The following PDCD2 variants were observed in gnomAD, a reference collection of about 807,000 sequenced individuals.
The protein encoded by PDCD2 is uS5 assembly chaperone PDCD2.
In PDCD2, 38 loss-of-function variants were observed where a neutral mutation model predicts 38.1. That is an observed-to-expected ratio of 1.00 (90% CI 0.77 to 1.31). The LOEUF is 1.31. Ranked by LOEUF, PDCD2 falls within the 50% of genes most tolerant of loss-of-function variation. PDCD2 has a pLI of 0.00. For synonymous variants in PDCD2, 205 were observed against 168.9 expected, an observed-to-expected ratio of 1.21 and a Z score of -1.66; for missense variants, 473 against 435.7, an observed-to-expected ratio of 1.09 and a Z score of -0.76.
chr6:170,578,391 T>C (rs1000576659), intron 5 of PDCD2: 6 of 505,046 alleles, frequency 1.2e-5, no homozygotes, highest in South Asian at 8.6e-5. Flanking sequence ...ACAAATCCTT[T>C]TGGGCAGGGA....
Position 170,584,464 on chromosome 6 carries a change from C to T in PDCD2, c.118G>A (p.Ala40Thr). 7.6e-7 allele frequency: 1 copy of T among 1,310,932 alleles called. No individual in the cohort carries two copies. The highest frequency in any genetic ancestry group is 2.3e-5 in the South Asian group (1 of 42,744). The allele number at this position is 1,310,932 out of a possible 1,614,324, so 81.2% of individuals were successfully genotyped here. ...KVGGRPAWLGAAGLPGPQALA... is the reference protein window; with the variant it reads ...KVGGRPAWLGTAGLPGPQALA... The stretch of plus-strand genomic sequence containing the variant: ...GCCTGGGGCCCCGGCAGCCCGGCCG[C>T]GCCCAGCCATGCCGGCCGCCCGCCC... The change falls in exon 1 of 6, where the codon GCG becomes ACG. Residue 40 changes from alanine (A) to threonine (T), a missense_variant. Ala to Thr is a moderately conservative substitution (Grantham distance 58). Coordinates refer to ENST00000541970, the MANE Select transcript of PDCD2 (RefSeq NM_002598.4).
Position 170,579,816 on chromosome 6 carries a change from G to A in PDCD2, c.762+186C>T, listed in dbSNP as rs755165264. 204 of 543,726 alleles carry A rather than the reference G, an allele frequency of 3.8e-4. 2 individuals carry two copies. The highest frequency in any genetic ancestry group is 8.6e-5 in the Non-Finnish European group (26 of 303,968). 33.7% of individuals were successfully genotyped at this position (543,726 alleles called of 1,614,324 possible). ...CTTTTAGTAACTATTAAATGGATCA[G>A]CACTGCAAAACACCTTTCTACATGG... On this transcript the variant is annotated intron_variant, in intron 4 of 5. Transcript: ENST00000541970.
In PDCD2 at chr6:170,578,930, G is replaced by C; in HGVS notation, c.803C>G (p.Ser268Cys). The change falls in exon 5 of 6, where the codon TCT (serine) becomes TGT (cysteine). Residue 268 changes from serine to cysteine, a missense_variant. Transcript: ENST00000541970. Reference protein sequence around the residue: ...YGRGIAPIWISGENIPQEKDI... With the variant: ...YGRGIAPIWICGENIPQEKDI... ...CTTTTCTTGAGGAATATTTTCACCA[G>C]AAATCCAGATGGGGGCAATACCTCT... is the stretch of plus-strand genomic sequence containing the variant. The C allele has an allele frequency of 6.2e-7, 1 of 1,604,768 alleles. No homozygotes were observed. Among genetic ancestry groups the C allele is most frequent in the Non-Finnish European group, 8.5e-7 (1 of 1,177,246 alleles).
chr6:170,584,424 A>C lies in PDCD2; in HGVS notation c.158T>G (p.Leu53Arg). Residue 53 changes from leucine (L) to arginine (R), a missense_variant, in exon 1 of 6, where the codon CTG (leucine) becomes CGG (arginine). Coordinates refer to ENST00000541970, the MANE Select transcript of PDCD2 (RefSeq NM_002598.4). Reference sequence around the variant, plus strand: ...CAGGAAGGAGAGCGGGCGGCCGCACAGCTCGCAGGCCAGGGCCTGGGGCCC... The same window carrying C: ...CAGGAAGGAGAGCGGGCGGCCGCACCGCTCGCAGGCCAGGGCCTGGGGCCC... ...LPGPQALACELCGRPLSFLLQ... is the reference protein window; with the variant it reads ...LPGPQALACERCGRPLSFLLQ... 7.2e-7 allele frequency: 1 copy of C among 1,397,022 alleles called. No homozygotes were observed. The highest frequency in any genetic ancestry group is 1.7e-5 in the South Asian group (1 of 58,506). 86.5% of individuals were successfully genotyped at this position (1,397,022 alleles called of 1,614,324 possible).
chr6:170,583,868 A>G, intron 1 of PDCD2, 121 bp from the exon 2 acceptor site: 1 of 828,676 alleles, frequency 1.2e-6, no homozygotes, highest in Non-Finnish European at 1.8e-6. Flanking sequence ...TTTTGCTTTC[A>G]GGAATAAGCT....
intron 1 of PDCD2, 109 bp from the exon 2 acceptor site, chr6:170,583,856 G>C: frequency 1.1e-6 from 1 of 924,888 alleles, no homozygotes; most frequent in South Asian, 1.8e-5. Flanking sequence ...AGAAATGAAA[G>C]TTTTTGCTTT....
In PDCD2 at chr6:170,575,842, A is replaced by G. The variant is rs1219839725; in HGVS notation, c.*1717T>C. The G allele has an allele frequency of 6.6e-6, 1 of 152,232 alleles. No individual in the cohort carries two copies. The highest frequency in any genetic ancestry group is 1.5e-5 in the Non-Finnish European group (1 of 68,042). The allele number at this position is 152,232 out of a possible 1,614,324, so 9.4% of individuals were successfully genotyped here. Reference sequence around the variant, plus strand: ...CCAAAATACCTGCAAGAATGTCCACATCATCTGGTGATGTCCCCAAATAAC... The same window carrying G: ...CCAAAATACCTGCAAGAATGTCCACGTCATCTGGTGATGTCCCCAAATAAC... On this transcript the variant is annotated 3_prime_UTR_variant, in exon 6 of 6. Transcript: ENST00000541970.
chr6:170,577,763 G>A (rs765781901), intron 5 of PDCD2, 46 bp from the exon 6 acceptor site: 13 of 1,591,894 alleles, frequency 8.2e-6, no homozygotes, highest in African/African-American at 1.3e-5. Context: ...TCACAGCAGG[G>A]AGCACGAGAC....
chr6:170,582,688 G>A (rs1779648954), intron 3 of PDCD2: 6 of 1,208,806 alleles, frequency 5.0e-6, no homozygotes, highest in Non-Finnish European at 6.2e-6. Context: ...AAACTGGCCA[G>A]ATGAAAGAGA....
chr6:170,581,990 A>C (rs1779618792), intron 3 of PDCD2: 1 of 799,126 alleles, frequency 1.3e-6, no homozygotes, highest in East Asian at 3.3e-5. Flanking sequence ...CTAACAAGGC[A>C]TATTTGAAGT....
chr6:170,579,065 T>C, intron 4 of PDCD2, 95 bp from the exon 5 acceptor site: 1 of 762,748 alleles, frequency 1.3e-6, no homozygotes, highest in Non-Finnish European at 2.2e-6. Context: ...TTCCTACTCT[T>C]GATGTAGCAC....
chr6:170,582,074 T>C (rs1307602702), intron 3 of PDCD2: 15 of 1,498,054 alleles, frequency 1.0e-5, no homozygotes, highest in African/African-American at 1.4e-5. Context: ...TTATGTATCA[T>C]GTTTATCGTA....
At position 170,584,497 on chromosome 6, in the gene PDCD2, TG is replaced by T; in HGVS notation, c.84del (p.Ser29AlafsTer113). On this transcript the variant is annotated frameshift_variant, in exon 1 of 6. Coordinates refer to ENST00000541970, the MANE Select transcript of PDCD2 (RefSeq NM_002598.4). LOFTEE classifies it high-confidence loss of function. ...PAWRLRSEQF[P>X]SKVGGRPAWL... The stretch of plus-strand genomic sequence containing the variant: ...CATGCCGGCCGCCCGCCCACCTTGC[TG>T]GGGAACTGCTCGCTGCGCAGTCGCC... 2.2e-6 allele frequency: 3 copies of T among 1,356,362 alleles called. No homozygotes were observed. The highest frequency in any genetic ancestry group is 3.3e-5 in the Admixed American group (1 of 30,436). The allele number at this position is 1,356,362 out of a possible 1,614,324, so 84.0% of individuals were successfully genotyped here.
At position 170,583,752 on chromosome 6, in the gene PDCD2, AAAAG is replaced by A. The variant is rs1458740018; in HGVS notation, c.284-9_284-6del. 3.1e-6 allele frequency: 5 copies of A among 1,601,238 alleles called. No individual in the cohort carries two copies. Among genetic ancestry groups the A allele is most frequent in the African/African-American group, 1.3e-5 (1 of 74,534 alleles). On this transcript the variant is annotated splice_polypyrimidine_tract_variant and splice_region_variant and intron_variant, in intron 1 of 5. Transcript: ENST00000541970. ...TGGGTAGTTGATTCCTAAAAACTAAAAAAGAATACAGAGAAAAGTTTTATCTTCA... is the reference window on the plus strand; with the variant it reads ...TGGGTAGTTGATTCCTAAAAACTAAAAATACAGAGAAAAGTTTTATCTTCA...
rs1161377605 is a variant in PDCD2, at chr6:170,577,054, G to A, written c.*505C>T. ...AGCTAATGATCAGACAAGTTTGTTGGGAGTTTTACCTAAGTATTTTTGTGT... is the reference window on the plus strand; with the variant it reads ...AGCTAATGATCAGACAAGTTTGTTGAGAGTTTTACCTAAGTATTTTTGTGT... On this transcript the variant is annotated 3_prime_UTR_variant, in exon 6 of 6. Transcript: ENST00000541970. The A allele has an allele frequency of 2.0e-5, 3 of 152,870 alleles. No individual in the cohort carries two copies. Among genetic ancestry groups the A allele is most frequent in the Admixed American group, 6.5e-5 (1 of 15,358 alleles). 9.5% of individuals were successfully genotyped at this position (152,870 alleles called of 1,614,324 possible). A position where few individuals can be genotyped will look rare whatever the true frequency, so the allele number is the denominator to read the frequency against.
intron 3 of PDCD2, chr6:170,581,996 G>A: frequency 1.1e-6 from 1 of 876,828 alleles, no homozygotes; most frequent in Non-Finnish European, 1.6e-6. Context: ...AGGCATATTT[G>A]AAGTCCAGCT....
In PDCD2 at chr6:170,583,593, G is replaced by A. The variant is rs768284300; in HGVS notation, c.438C>T (p.Cys146=). ...AGTAATATGCTTTGTGGCATCTGGA[G>A]CACGTTTTGGGGCCTAAACAGCCAC... The part of the protein sequence containing the change: ...RVCGCLGPKT[C]SRCHKAYYCS... The change falls in exon 2 of 6, where the codon TGC becomes TGT. Residue 146 remains cysteine (C), a synonymous_variant. Transcript: ENST00000541970. 3 of 1,613,820 alleles carry A rather than the reference G, an allele frequency of 1.9e-6. No individual in the cohort carries two copies. Among genetic ancestry groups the A allele is most frequent in the South Asian group, 2.2e-5 (2 of 91,070 alleles).
In PDCD2 at chr6:170,576,533, G is replaced by T. The variant is rs1394420241; in HGVS notation, c.*1026C>A. The T allele has an allele frequency of 6.6e-6, 1 of 152,242 alleles. No individual in the cohort carries two copies. The highest frequency in any genetic ancestry group is 2.4e-5 in the African/African-American group (1 of 41,432). The allele number at this position is 152,242 out of a possible 1,614,324, so 9.4% of individuals were successfully genotyped here. A position where few individuals can be genotyped will look rare whatever the true frequency, so the allele number is the denominator to read the frequency against. On this transcript the variant is annotated 3_prime_UTR_variant, in exon 6 of 6. Coordinates refer to ENST00000541970, the MANE Select transcript of PDCD2 (RefSeq NM_002598.4). ...AGGCATCACTGGTGCTGAGAGAACT[G>T]GGAATTGTCAACTGTGAGCTGCTAG...
At chr6:170,583,778 T>A in intron 1 of PDCD2, 31 bp from the exon 2 acceptor site, 1 of 1,541,068 alleles carries the variant, frequency 6.5e-7, no homozygotes, top group South Asian at 1.1e-5. Context: ...AAGTTTTATC[T>A]TCAAACAAAA....
Sources: allele counts gnomAD v4.1 joint callset, GRCh38; gene constraint gnomAD v4.1.1; transcripts MANE v1.5; gene names NCBI Gene and HGNC (gene_info 2026-07-23, HGNC 2026-07-21).